RIMS3: variants seen among roughly 807,000 people sequenced by gnomAD.
RIMS3 encodes the protein regulating synaptic membrane exocytosis 3, also known as regulating synaptic membrane exocytosis protein 3.
Under a neutral mutation model 29.2 loss-of-function variants are expected in RIMS3, and 15 were observed. That is an observed-to-expected ratio of 0.51 (90% CI 0.34 to 0.79). The LOEUF (loss-of-function observed/expected upper bound fraction) is 0.79, where lower values mean the gene tolerates loss of function less well. Among genes scored for constraint, RIMS3 ranks in the 30% least tolerant of loss-of-function variants. The pLI is 0.01. For synonymous variants in RIMS3, 161 were observed against 170.1 expected (o/e 0.95, Z 0.41); for missense variants, 342 against 421.4 (o/e 0.81, Z 1.65).
intron 1 of RIMS3, among the ~76,000 whole-genome samples, chr1:40,657,092 C>A (rs891449898): frequency 6.6e-6 from 1 of 152,180 alleles, no homozygotes; most frequent in African/African-American, 2.4e-5. Context: ...CGGCCACCAT[C>A]TAATATGAGC....
chr1:40,664,232 T>A (rs2148364737), intron 1 of RIMS3, among the ~76,000 whole-genome samples: 1 of 152,042 alleles, frequency 6.6e-6, no homozygotes, highest in East Asian at 1.9e-4. Context: ...CCCCAGCACA[T>A]CCCTGCCAAC....
At chr1:40,671,981 C>T in the RIMS3 span, among the ~76,000 whole-genome samples, 3 of 151,948 alleles carry the variant, frequency 2.0e-5, no homozygotes, top group Non-Finnish European at 4.4e-5. Context: ...TGGTCTCGAA[C>T]TCCTGATCTC....
At chr1:40,651,490 A>C (rs892899519) in intron 1 of RIMS3, among the ~76,000 whole-genome samples, 1 of 152,178 alleles carries the variant, frequency 6.6e-6, no homozygotes, top group Non-Finnish European at 1.5e-5. Context: ...GAGAGTCTAC[A>C]TTTCTGTTGT....
chr1:40,687,032 A>G, the RIMS3 span, among the ~76,000 whole-genome samples: 17 of 151,956 alleles, frequency 1.1e-4, no homozygotes, highest in African/African-American at 4.1e-4. Context: ...TAAACATAAG[A>G]ATTGCCATAT....
the RIMS3 span, among the ~76,000 whole-genome samples, chr1:40,685,581 G>T: frequency 6.6e-6 from 1 of 151,834 alleles, no homozygotes; most frequent in Non-Finnish European, 1.5e-5. Flanking sequence ...CATCGGAAGA[G>T]TATCACTTAT....
chr1:40,653,103 G>A (rs1275020523), intron 1 of RIMS3, among the ~76,000 whole-genome samples: 9 of 152,182 alleles, frequency 5.9e-5, no homozygotes, highest in African/African-American at 2.2e-4. Flanking sequence ...AGTCCCGATG[G>A]GTCTGAGATA....
At chr1:40,691,631 C>A in the RIMS3 span, 1 of 417,438 alleles carries the variant, frequency 2.4e-6, no homozygotes, top group Admixed American at 2.6e-5. Context: ...CCTCAAGGAG[C>A]ACAGCTTCTG....
At chr1:40,629,774 G>A (rs1232634478) in intron 5 of RIMS3, among the ~76,000 whole-genome samples, 1 of 152,074 alleles carries the variant, frequency 6.6e-6, no homozygotes, top group African/African-American at 2.4e-5. Flanking sequence ...ATACATCTGT[G>A]TCAAAAGAAC....
chr1:40,681,419 G>A, the RIMS3 span: 31,824 of 152,122 alleles, frequency 0.21, 3,392 homozygotes, highest in African/African-American at 0.23. Flanking sequence ...GCCTCCTTCT[G>A]CTCCCTGGCT....
At chr1:40,662,309 C>T (rs995077218) in intron 1 of RIMS3, among the ~76,000 whole-genome samples, 7 of 152,190 alleles carry the variant, frequency 4.6e-5, no homozygotes, top group African/African-American at 1.7e-4. Flanking sequence ...TTCTTCGCCT[C>T]TACAATTCCT....
At chr1:40,639,247 T>C (rs983128492) in intron 3 of RIMS3, among the ~76,000 whole-genome samples, 1 of 152,144 alleles carries the variant, frequency 6.6e-6, no homozygotes, top group African/African-American at 2.4e-5. Context: ...GGGGCACCCT[T>C]CTAGGTCTTT....
intron 3 of RIMS3, among the ~76,000 whole-genome samples, chr1:40,641,337 A>G (rs1646554972): frequency 6.6e-6 from 1 of 152,192 alleles, no homozygotes; most frequent in African/African-American, 2.4e-5. Flanking sequence ...CAGTGCCAGG[A>G]TCATAAGGCT....
intron 5 of RIMS3, among the ~76,000 whole-genome samples, chr1:40,631,932 C>T (rs374907947): frequency 1.9e-4 from 29 of 151,048 alleles, no homozygotes; most frequent in African/African-American, 5.1e-4. Flanking sequence ...GCCAAGATTG[C>T]GCCAGTGCAC....
chr1:40,675,288 A>AG, the RIMS3 span, among the ~76,000 whole-genome samples: 1 of 151,422 alleles, frequency 6.6e-6, no homozygotes, highest in African/African-American at 2.4e-5. Flanking sequence ...AAAAAAAAAA[A>AG]GGAAAGAAAT....
intron 1 of RIMS3, among the ~76,000 whole-genome samples, chr1:40,664,764 G>A (rs1203871922): frequency 6.6e-6 from 1 of 152,098 alleles, no homozygotes. Flanking sequence ...CGGCCAGTCA[G>A]GGAAGAGCTC....
At chr1:40,628,172 T>C (rs7545359) in intron 7 of RIMS3, among the ~76,000 whole-genome samples, 41,591 of 152,206 alleles carry the variant, frequency 0.27, 6,260 homozygotes, top group Middle Eastern at 0.35. Context: ...TAATGAGTGC[T>C]GAGCTGGAAT....
chr1:40,632,372 T>C (rs1409332518), intron 5 of RIMS3, among the ~76,000 whole-genome samples: 2 of 149,096 alleles, frequency 1.3e-5, no homozygotes, highest in African/African-American at 4.9e-5. Flanking sequence ...TATTCAGTAA[T>C]GGTGCTAGGA....
At chr1:40,641,270 C>A (rs1438951755) in intron 3 of RIMS3, among the ~76,000 whole-genome samples, 1 of 152,194 alleles carries the variant, frequency 6.6e-6, no homozygotes, top group Non-Finnish European at 1.5e-5. Context: ...CTGCACCCAG[C>A]ACTTGAGACT....
At chr1:40,660,103 G>A (rs969640352) in intron 1 of RIMS3, among the ~76,000 whole-genome samples, 7 of 152,178 alleles carry the variant, frequency 4.6e-5, no homozygotes, top group African/African-American at 1.4e-4. Flanking sequence ...GAGGGTCCAC[G>A]GACTCAAGGC....
Sources: allele counts gnomAD v4.1 joint callset (sites outside exome capture counted in the v4.1 genomes callset), GRCh38; gene constraint gnomAD v4.1.1; transcripts MANE v1.5; gene names NCBI Gene and HGNC (gene_info 2026-07-23, HGNC 2026-07-21).